The following ADGRB3 variants were observed in gnomAD, a reference collection of about 807,000 sequenced individuals.
ADGRB3 encodes the protein brain-specific angiogenesis inhibitor 3.
In ADGRB3, 37 loss-of-function variants were observed where a neutral mutation model predicts 193.4. The observed-to-expected ratio is 0.19, with a 90% CI of 0.15 to 0.25. The LOEUF (loss-of-function observed/expected upper bound fraction) is 0.25. ADGRB3 is among the 10% of genes least tolerant of loss of function. ADGRB3 has a pLI of 1.00. For missense variants in ADGRB3, 1,637 were observed against 1,852.9 expected (o/e 0.88, Z 2.14); for synonymous variants, 690 against 644.2 (o/e 1.07, Z -1.08).
intron 3 of ADGRB3, among the ~76,000 whole-genome samples, chr6:68,659,818 T>G (rs1248953168): frequency 2.0e-5 from 3 of 150,988 alleles, no homozygotes; most frequent in Admixed American, 6.6e-5. Context: ...ACACCTGGAG[T>G]AATGAAACTT....
At chr6:68,996,020 C>T (rs1183855704) in intron 11 of ADGRB3, among the ~76,000 whole-genome samples, 3 of 152,084 alleles carry the variant, frequency 2.0e-5, no homozygotes, top group East Asian at 1.9e-4. Context: ...TTGAACTTCA[C>T]GTTACTTTAG....
At chr6:69,210,132 C>G (rs1212078046) in intron 17 of ADGRB3, among the ~76,000 whole-genome samples, 1 of 80,390 alleles carries the variant, frequency 1.2e-5, no homozygotes, top group Non-Finnish European at 2.5e-5. Context: ...TCATATATAT[C>G]ATATATTAAT....
At chr6:69,114,111 C>G (rs1440893077) in intron 17 of ADGRB3, among the ~76,000 whole-genome samples, 1 of 152,152 alleles carries the variant, frequency 6.6e-6, no homozygotes, top group African/African-American at 2.4e-5. Context: ...TAAGCCACTA[C>G]TCACTGAATA....
chr6:69,007,058 T>A (rs1161779479), intron 11 of ADGRB3, among the ~76,000 whole-genome samples: 5 of 152,134 alleles, frequency 3.3e-5, no homozygotes, highest in East Asian at 1.9e-4. Context: ...TCGTACTCAA[T>A]TTGAACAAAA....
At chr6:68,778,871 A>C (rs1487158053) in intron 3 of ADGRB3, among the ~76,000 whole-genome samples, 1 of 151,980 alleles carries the variant, frequency 6.6e-6, no homozygotes, top group Non-Finnish European at 1.5e-5. Context: ...ATTGTTTCTC[A>C]GTTAGGCTTC....
At chr6:69,178,484 G>T (rs1775493172) in intron 17 of ADGRB3, among the ~76,000 whole-genome samples, 1 of 152,098 alleles carries the variant, frequency 6.6e-6, no homozygotes, top group South Asian at 2.1e-4. Flanking sequence ...GACATGTGAG[G>T]TCTCAACCTA....
intron 17 of ADGRB3, among the ~76,000 whole-genome samples, chr6:69,127,764 T>C (rs572309836): frequency 6.6e-6 from 1 of 152,332 alleles, no homozygotes; most frequent in African/African-American, 2.4e-5. Flanking sequence ...ATTCTGGATA[T>C]TGAGAACAAC....
chr6:68,917,554 G>C (rs567796805), intron 3 of ADGRB3, among the ~76,000 whole-genome samples: 1 of 152,062 alleles, frequency 6.6e-6, no homozygotes. Context: ...GAATCTATGT[G>C]TATGTAGCTT....
At chr6:68,938,452 A>G (rs1767542191) in intron 5 of ADGRB3, among the ~76,000 whole-genome samples, 1 of 109,774 alleles carries the variant, frequency 9.1e-6, no homozygotes, top group Non-Finnish European at 2.1e-5. Context: ...ATATATATAT[A>G]TATATATATA....
intron 3 of ADGRB3, among the ~76,000 whole-genome samples, chr6:68,842,607 G>A (rs533498034): frequency 6.6e-6 from 1 of 151,914 alleles, no homozygotes; most frequent in African/African-American, 2.4e-5. Context: ...AAGTAATATT[G>A]ATCCTACTCA....
chr6:69,308,227 C>T (rs1768105909), intron 20 of ADGRB3, among the ~76,000 whole-genome samples: 1 of 151,402 alleles, frequency 6.6e-6, no homozygotes, highest in African/African-American at 2.4e-5. Flanking sequence ...GTTATCTAGT[C>T]TCACTGGACA....
rs111303203 is a variant in ADGRB3, at chr6:68,960,796, C to A, written c.1525+3987C>A. Reference sequence around the variant, plus strand: ...TAAAACACAGATTCCTGAGCCAGACCCCACCAGCCATTCTGACTCAGTAGG... The same window carrying A: ...TAAAACACAGATTCCTGAGCCAGACACCACCAGCCATTCTGACTCAGTAGG... On this transcript the variant is annotated intron_variant, in intron 8 of 31. Transcript: ENST00000370598. Among the ~76,000 whole-genome samples the A allele has an allele frequency of 8.1e-3, 1,237 of 152,168 alleles. 10 individuals are homozygous for A. Among genetic ancestry groups the A allele is most frequent in the African/African-American group, 0.026 (1,073 of 41,520 alleles).
intron 3 of ADGRB3, among the ~76,000 whole-genome samples, chr6:68,679,074 T>C (rs141743087): frequency 3.2e-4 from 48 of 152,304 alleles, no homozygotes; most frequent in African/African-American, 8.9e-4. Flanking sequence ...CTTTCAGATA[T>C]CTATCCTAGA....
intron 17 of ADGRB3, among the ~76,000 whole-genome samples, chr6:69,226,499 G>T (rs992519894): frequency 1.3e-5 from 2 of 152,118 alleles, no homozygotes; most frequent in African/African-American, 4.8e-5. Context: ...GCAAAGATGG[G>T]CAAAAATCAA....
chr6:68,658,667 T>C (rs1031345238), intron 3 of ADGRB3, among the ~76,000 whole-genome samples: 2 of 151,336 alleles, frequency 1.3e-5, no homozygotes, highest in African/African-American at 4.8e-5. Context: ...TAAATTAGTA[T>C]ACATATTTAT....
chr6:69,011,745 A>G (rs1204070989), intron 11 of ADGRB3, among the ~76,000 whole-genome samples: 1 of 152,118 alleles, frequency 6.6e-6, no homozygotes, highest in Non-Finnish European at 1.5e-5. Flanking sequence ...TGAGCAAGTC[A>G]TTATATACAC....
intron 3 of ADGRB3, among the ~76,000 whole-genome samples, chr6:68,844,712 C>A (rs1400750255): frequency 1.3e-5 from 2 of 152,062 alleles, no homozygotes; most frequent in Admixed American, 6.6e-5. Flanking sequence ...TGGGAAGCAA[C>A]CTATGTGTCC....
chr6:69,386,152 T>G (rs970654483), intron 31 of ADGRB3, among the ~76,000 whole-genome samples: 10 of 152,206 alleles, frequency 6.6e-5, no homozygotes, highest in African/African-American at 2.4e-4. Context: ...TCTCAGGAAT[T>G]CAATAGGTCA....
chr6:69,048,123 A>G (rs1360828156), intron 13 of ADGRB3, 62 bp from the exon 14 acceptor site: 2 of 1,507,474 alleles, frequency 1.3e-6, no homozygotes, highest in African/African-American at 1.4e-5. Context: ...TACCTTGATC[A>G]ACACTGATTA....
Sources: gnomAD v4.1 joint callset for allele counts (sites outside exome capture counted in the v4.1 genomes callset) on GRCh38, gnomAD v4.1.1 for gene constraint, MANE v1.5 for transcripts, NCBI Gene and HGNC (gene_info 2026-07-23, HGNC 2026-07-21) for gene names.